The following MEP1B variants were observed in gnomAD, a reference collection of about 807,000 sequenced individuals.
The protein encoded by MEP1B is N-benzoyl-L-tyrosyl-P-amino-benzoic acid hydrolase subunit beta.
A neutral mutation model predicts 84.6 loss-of-function variants in MEP1B; 80 were observed. The observed-to-expected ratio is 0.95, with a 90% CI of 0.79 to 1.14. The LOEUF (loss-of-function observed/expected upper bound fraction) is 1.14, where lower values mean the gene tolerates loss of function less well. Among genes scored for constraint, MEP1B ranks in the 50% most tolerant of loss-of-function variants. MEP1B has a pLI of 0.00. For synonymous variants in MEP1B, 273 were observed against 288.1 expected, an observed-to-expected ratio of 0.95 and a Z score of 0.53; for missense variants, 766 against 855.1, an observed-to-expected ratio of 0.90 and a Z score of 1.30.
At chr18:32,202,478 A>G (rs962792783) in intron 5 of MEP1B, among the ~76,000 whole-genome samples, 3 of 152,200 alleles carry the variant, frequency 2.0e-5, no homozygotes, top group African/African-American at 7.2e-5. Flanking sequence ...ATTTCAGGGT[A>G]TTCATAGACT....
rs1282180394 is a variant in MEP1B at position 32,210,535 on chromosome 18, T to C, written c.954T>C (p.Ser318=). 5 of 1,613,900 alleles carry C rather than the reference T, an allele frequency of 3.1e-6. No individual in the cohort carries two copies. The highest frequency in any genetic ancestry group is 1.3e-5 in the African/African-American group (1 of 74,928). Residue 318 remains serine (S), a synonymous_variant, in exon 10 of 15, where the codon TCT becomes TCC. Transcript: ENST00000269202. ...SGFFMHFDSS[S]VNVGATAVLE... ...TCTTCATGCATTTCGATAGCAGCTC[T>C]GTAAATGTGGGGGCCACAGCAGTGC... is the stretch of plus-strand genomic sequence containing the variant.
At chr18:32,219,639 CTGTTATAAGCAAGTATAA>C (rs1005747545) in intron 14 of MEP1B, among the ~76,000 whole-genome samples, 3 of 151,982 alleles carry the variant, frequency 2.0e-5, no homozygotes, top group African/African-American at 7.3e-5. Context: ...AGTGTAACAG[CTGTTATAAGCAAGTATAA>C]ACTTGCTTAG....
intron 7 of MEP1B, among the ~76,000 whole-genome samples, chr18:32,205,548 A>G (rs1488491946): frequency 6.6e-6 from 1 of 152,222 alleles, no homozygotes; most frequent in African/African-American, 2.4e-5. Context: ...TTCTAGAGAA[A>G]CAGCAGTGTT....
intron 12 of MEP1B, 143 bp from the exon 13 acceptor site, chr18:32,216,848 A>C: frequency 3.0e-5 from 28 of 921,768 alleles, no homozygotes; most frequent in Non-Finnish European, 3.7e-5. Context: ...AGCCTGGGCA[A>C]CATTGCAAGA....
rs1373977905 is a variant in MEP1B, at chr18:32,204,287, G to A, written c.474G>A (p.Leu158=). The part of the protein sequence containing the change: ...ATVQHEFLHA[L]GFWHEQSRSD... Reference sequence around the variant, plus strand: ...TTCAACACGAGTTCCTCCACGCTCTGGGATTCTGGCATGAGCAGTCGCGTT... The same window carrying A: ...TTCAACACGAGTTCCTCCACGCTCTAGGATTCTGGCATGAGCAGTCGCGTT... The change falls in exon 7 of 15, where the codon CTG becomes CTA. Residue 158 remains leucine, a synonymous_variant. Coordinates refer to ENST00000269202, the MANE Select transcript of MEP1B (RefSeq NM_005925.3). 6 of 1,604,066 alleles carry A rather than the reference G, an allele frequency of 3.7e-6. No homozygotes were observed. Among genetic ancestry groups the A allele is most frequent in the Non-Finnish European group, 5.1e-6 (6 of 1,175,618 alleles).
At chr18:32,219,444 A>G (rs1035508214) in intron 14 of MEP1B, among the ~76,000 whole-genome samples, 1 of 152,168 alleles carries the variant, frequency 6.6e-6, no homozygotes, top group Non-Finnish European at 1.5e-5. Flanking sequence ...ATAAAAGGGG[A>G]AGATCAGTGA....
intron 14 of MEP1B, among the ~76,000 whole-genome samples, chr18:32,219,961 G>A (rs1275429277): frequency 6.6e-6 from 1 of 152,164 alleles, no homozygotes; most frequent in African/African-American, 2.4e-5. Context: ...AGATCTCCCA[G>A]ATGTCGTTTA....
chr18:32,196,556 CT>C lies in MEP1B; in HGVS notation c.250+1073del. The C allele has an allele frequency of 1.4e-6, 1 of 705,084 alleles. No homozygotes were observed. The highest frequency in any genetic ancestry group is 2.6e-6 in the Non-Finnish European group (1 of 383,708). The allele number at this position is 705,084 out of a possible 1,614,324, so 43.7% of individuals were successfully genotyped here. A position where few individuals can be genotyped will look rare whatever the true frequency, so the allele number is the denominator to read the frequency against. ...CCTTGAGAGCTTTGGGCCCTTGGTACTTGGTGCTGACGGCCAGCGCGTTGTC... is the reference window on the plus strand; with the variant it reads ...CCTTGAGAGCTTTGGGCCCTTGGTACTGGTGCTGACGGCCAGCGCGTTGTC... On this transcript the variant is annotated intron_variant, in intron 5 of 14. Coordinates refer to ENST00000269202, the MANE Select transcript of MEP1B (RefSeq NM_005925.3). This position sits in a 1 kb window ranked among gnomAD's most constrained non-coding sequence, Gnocchi z 4.4.
intron 5 of MEP1B, among the ~76,000 whole-genome samples, chr18:32,200,603 T>C (rs964428053): frequency 3.3e-5 from 5 of 152,018 alleles, no homozygotes; most frequent in Admixed American, 3.3e-4. Flanking sequence ...CTATGAAGGG[T>C]TGATTTCTGG....
At chr18:32,195,073 G>T (rs1401722688) in intron 4 of MEP1B, among the ~76,000 whole-genome samples, 4 of 152,136 alleles carry the variant, frequency 2.6e-5, no homozygotes, top group Admixed American at 2.6e-4. Context: ...TCAAGGTCTT[G>T]CTATCACTGT....
At chr18:32,207,512 T>C (rs1227152318) in intron 8 of MEP1B, 42 bp downstream of exon 8, 1 of 1,384,996 alleles carries the variant, frequency 7.2e-7, no homozygotes, top group South Asian at 1.2e-5. Context: ...TTTTCCGCTG[T>C]TATGTAGGAA....
intron 5 of MEP1B, among the ~76,000 whole-genome samples, chr18:32,197,432 G>A (rs973452931): frequency 4.9e-5 from 7 of 144,228 alleles, no homozygotes; most frequent in African/African-American, 1.8e-4. Context: ...TTGAGACAGA[G>A]TCTTGCTCTG....
At chr18:32,214,939 C>T in intron 11 of MEP1B, 143 bp from the exon 12 acceptor site, 1 of 625,304 alleles carries the variant, frequency 1.6e-6, no homozygotes, top group East Asian at 2.8e-5. Flanking sequence ...CAGTGATTTG[C>T]CAGGGAATAC....
Position 32,217,966 on chromosome 18 carries a change from G to C in MEP1B, c.2091+1G>C, listed in dbSNP as rs187452324. ...TCGACCAAATTTGACTCCGCAAAAT[G>C]TAAGTTGAGGCTGATGTTTGATTAT... On this transcript the variant is annotated splice_donor_variant, in intron 14 of 14. Transcript: ENST00000269202. LOFTEE classifies it high-confidence loss of function. 3.0e-5 allele frequency: 48 copies of C among 1,613,490 alleles called. No homozygotes were observed. The Middle Eastern group carries it at 4.9e-4, about 17-fold the overall frequency.
At chr18:32,204,028 C>A (rs2040938739) in intron 6 of MEP1B, among the ~76,000 whole-genome samples, 154 bp from the exon 7 acceptor site, 2 of 152,056 alleles carry the variant, frequency 1.3e-5, no homozygotes, top group Admixed American at 1.3e-4. Flanking sequence ...CAAACTATGT[C>A]ACCTGGGTTA....
rs766183190 is a variant in MEP1B, at chr18:32,217,928, G to A, written c.2054G>A (p.Arg685Lys). The change falls in exon 14 of 15, where the codon AGG becomes AAG. Residue 685 changes from arginine (R) to lysine (K), a missense_variant. Transcript: ENST00000269202. Reference protein sequence around the residue: ...VYCTRKKYRERMSSNRPNLTP... With the variant: ...VYCTRKKYREKMSSNRPNLTP... The stretch of plus-strand genomic sequence containing the variant: ...TGCACCAGGAAGAAATATCGTGAAA[G>A]GATGAGCTCAAATCGACCAAATTTG... The A allele has an allele frequency of 1.2e-6, 2 of 1,613,924 alleles. No individual in the cohort carries two copies. Among genetic ancestry groups the A allele is most frequent in the Admixed American group, 3.3e-5 (2 of 60,008 alleles).
chr18:32,195,529 G>T, intron 5 of MEP1B, 44 bp downstream of exon 5: 1 of 1,255,824 alleles, frequency 8.0e-7, no homozygotes, highest in South Asian at 1.3e-5. Flanking sequence ...GTCTATTTCT[G>T]ACAAAATATG....
rs749835743 is a variant in MEP1B at position 32,208,249 on chromosome 18, C to T, written c.897C>T (p.His299=). The T allele has an allele frequency of 3.3e-5, 54 of 1,613,756 alleles. No homozygotes were observed. The Middle Eastern group carries it at 1.3e-3, about 39-fold the overall frequency. ...TTCCCAGGGGGCCAGAGAGTGATCA[C>T]TCCAACATGGGCCAGTGCCAAGGTA... is the stretch of plus-strand genomic sequence containing the variant. The part of the protein sequence containing the change: ...SQVPRGPESD[H]SNMGQCQGSG... Residue 299 remains histidine, a synonymous_variant, in exon 9 of 15, where the codon CAC becomes CAT. Transcript: ENST00000269202.
chr18:32,216,921 T>C (rs1170604872), intron 12 of MEP1B, 70 bp from the exon 13 acceptor site: 2 of 1,444,762 alleles, frequency 1.4e-6, no homozygotes, highest in Non-Finnish European at 1.9e-6. Flanking sequence ...TAAAAGAAAA[T>C]GAAAATTAAA....
Sources: allele counts gnomAD v4.1 joint callset (sites outside exome capture counted in the v4.1 genomes callset), GRCh38; gene constraint gnomAD v4.1.1; non-coding constraint Gnocchi (gnomAD v3.1); transcripts MANE v1.5; gene names NCBI Gene and HGNC (gene_info 2026-07-23, HGNC 2026-07-21).